MACROD2: variants seen among roughly 807,000 people sequenced by gnomAD.
MACROD2 encodes the protein ADP-ribose glycohydrolase MACROD2.
Under a neutral mutation model 70.4 loss-of-function variants are expected in MACROD2, and 36 were observed. The ratio of observed to expected loss-of-function variants is 0.51; its 90% CI spans 0.39 to 0.68. The LOEUF (loss-of-function observed/expected upper bound fraction) is 0.68. Ranked by LOEUF, MACROD2 falls within the 30% of genes least tolerant of loss-of-function variation. MACROD2 has a pLI of 0.00. For synonymous variants in MACROD2, 172 were observed against 178.8 expected (o/e 0.96, Z 0.30); for missense variants, 496 against 538.4 (o/e 0.92, Z 0.78).
intron 6 of MACROD2, among the ~76,000 whole-genome samples, chr20:15,376,213 G>A (rs2045560123): frequency 1.3e-5 from 2 of 152,190 alleles, no homozygotes; most frequent in South Asian, 4.1e-4. Flanking sequence ...GTAATGAATA[G>A]AAGATAGAGT....
intron 5 of MACROD2, among the ~76,000 whole-genome samples, chr20:15,034,323 TTACC>T (rs2075297201): frequency 1.3e-5 from 2 of 152,180 alleles, no homozygotes; most frequent in African/African-American, 2.4e-5. Context: ...AGTAATGAGG[TTACC>T]AAGGTGTTCC....
chr20:14,085,602 T>C lies in MACROD2; in HGVS notation c.164-19T>C, dbSNP rs758476926. ...AATTAATAATATTATTATTGATATATATCCATTTTCTATTACAGAAGAAAA... is the reference window on the plus strand; with the variant it reads ...AATTAATAATATTATTATTGATATACATCCATTTTCTATTACAGAAGAAAA... On this transcript the variant is annotated intron_variant, in intron 2 of 17. Transcript: ENST00000684519. 1.5e-6 allele frequency: 2 copies of C among 1,339,984 alleles called. No individual in the cohort carries two copies. Among genetic ancestry groups the C allele is most frequent in the South Asian group, 2.9e-5 (2 of 68,144 alleles). The allele number at this position is 1,339,984 out of a possible 1,614,324, so 83.0% of individuals were successfully genotyped here. A position where few individuals can be genotyped will look rare whatever the true frequency, so the allele number is the denominator to read the frequency against.
chr20:15,297,718 T>A (rs2146119729), intron 6 of MACROD2, among the ~76,000 whole-genome samples: 1 of 152,276 alleles, frequency 6.6e-6, no homozygotes, highest in South Asian at 2.1e-4. Context: ...CTAGAACAAT[T>A]GTGTGCATTG....
chr20:15,632,172 A>AT, intron 8 of MACROD2, among the ~76,000 whole-genome samples: 1 of 151,838 alleles, frequency 6.6e-6, no homozygotes. Flanking sequence ...ACTCAAAAAA[A>AT]AAATAAATAA....
At chr20:14,215,568 TTCTCTAAGGGA>T (rs2081614195) in intron 3 of MACROD2, among the ~76,000 whole-genome samples, 1 of 152,256 alleles carries the variant, frequency 6.6e-6, no homozygotes, top group African/African-American at 2.4e-5. Flanking sequence ...CTGCTTTTAC[TTCTCTAAGGGA>T]TCTCCACAGT....
At chr20:14,213,965 A>T (rs1185331669) in intron 3 of MACROD2, among the ~76,000 whole-genome samples, 1 of 152,130 alleles carries the variant, frequency 6.6e-6, no homozygotes, top group Non-Finnish European at 1.5e-5. Flanking sequence ...AGAAAATTTC[A>T]TTGTGCCTCA....
chr20:14,319,190 C>G (rs1601469173), intron 3 of MACROD2, among the ~76,000 whole-genome samples: 1 of 152,270 alleles, frequency 6.6e-6, no homozygotes, highest in Non-Finnish European at 1.5e-5. Flanking sequence ...TTCCTTAGAG[C>G]CTGAACTACA....
chr20:14,702,622 T>C (rs1600561111), intron 5 of MACROD2, among the ~76,000 whole-genome samples: 1 of 105,414 alleles, frequency 9.5e-6, no homozygotes, highest in Non-Finnish European at 1.9e-5. Flanking sequence ...TGTATATATA[T>C]ATACATATAT....
chr20:14,714,634 T>C (rs557307511), intron 5 of MACROD2, among the ~76,000 whole-genome samples: 2 of 152,282 alleles, frequency 1.3e-5, no homozygotes, highest in East Asian at 1.9e-4. Flanking sequence ...ATTCTTTGTG[T>C]TCAACATGCC....
chr20:14,472,624 T>C (rs2084543199), intron 3 of MACROD2, among the ~76,000 whole-genome samples: 1 of 152,198 alleles, frequency 6.6e-6, no homozygotes, highest in Non-Finnish European at 1.5e-5. Flanking sequence ...ATAAGTGTTG[T>C]ACAAAAGCTT....
At chr20:15,639,055 G>C (rs948397792) in intron 8 of MACROD2, among the ~76,000 whole-genome samples, 1 of 152,142 alleles carries the variant, frequency 6.6e-6, no homozygotes, top group Non-Finnish European at 1.5e-5. Context: ...GCAACAGCAG[G>C]TTCGGGGCTT....
chr20:15,474,056 A>C (rs779787986), intron 7 of MACROD2, among the ~76,000 whole-genome samples: 19 of 152,178 alleles, frequency 1.2e-4, no homozygotes, highest in Non-Finnish European at 2.4e-4. Context: ...TTTCTCCATA[A>C]AATAGGAACG....
chr20:14,107,973 G>A (rs1369548777), intron 3 of MACROD2, among the ~76,000 whole-genome samples: 1 of 152,028 alleles, frequency 6.6e-6, no homozygotes, highest in African/African-American at 2.4e-5. Flanking sequence ...CAGAAAAACA[G>A]AATATTATAA....
At chr20:15,822,676 T>C (rs187459010) in intron 8 of MACROD2, among the ~76,000 whole-genome samples, 1 of 152,330 alleles carries the variant, frequency 6.6e-6, no homozygotes, top group East Asian at 1.9e-4. Flanking sequence ...TTGCTATTTA[T>C]ATAGAGAGAA....
intron 8 of MACROD2, among the ~76,000 whole-genome samples, chr20:15,546,590 A>G (rs948179445): frequency 3.9e-5 from 6 of 152,242 alleles, no homozygotes; most frequent in African/African-American, 1.4e-4. Context: ...TTCACATAAA[A>G]GAAAATGTTA....
chr20:15,585,278 A>G (rs981494532), intron 8 of MACROD2, among the ~76,000 whole-genome samples: 3 of 149,532 alleles, frequency 2.0e-5, no homozygotes, highest in African/African-American at 7.4e-5. Flanking sequence ...GCTCACTGCA[A>G]CCTCCGCCTC....
At chr20:15,276,076 C>T (rs2077388376) in intron 6 of MACROD2, among the ~76,000 whole-genome samples, 1 of 152,080 alleles carries the variant, frequency 6.6e-6, no homozygotes, top group Non-Finnish European at 1.5e-5. Flanking sequence ...AATAGAATAT[C>T]ATATATGTGA....
chr20:15,128,286 G>C (rs761484824), intron 5 of MACROD2, among the ~76,000 whole-genome samples: 2 of 152,032 alleles, frequency 1.3e-5, no homozygotes, highest in Non-Finnish European at 2.9e-5. Flanking sequence ...ACCATATGAT[G>C]GCTGGTATTT....
At chr20:14,264,002 CA>C (rs2082122231) in intron 3 of MACROD2, among the ~76,000 whole-genome samples, 3 of 143,346 alleles carry the variant, frequency 2.1e-5, no homozygotes, top group Non-Finnish European at 4.6e-5. Context: ...CACACACACA[CA>C]CACACACACA....
Sources: allele counts gnomAD v4.1 joint callset (sites outside exome capture counted in the v4.1 genomes callset), GRCh38; gene constraint gnomAD v4.1.1; transcripts MANE v1.5; gene names NCBI Gene and HGNC (gene_info 2026-07-23, HGNC 2026-07-21).